Variants in EIF2B2 observed in about 807,000 individuals in gnomAD.
EIF2B2 encodes the protein eukaryotic translation initiation factor 2B subunit beta, also known as translation initiation factor eIF2B subunit beta.
In EIF2B2, 34 loss-of-function variants were observed where a neutral mutation model predicts 34.7. That is an observed-to-expected ratio of 0.98 (90% CI 0.75 to 1.31). EIF2B2 has a LOEUF of 1.31. Among genes scored for constraint, EIF2B2 ranks in the 50% most tolerant of loss-of-function variants. The probability of loss-of-function intolerance (pLI) is 0.00; values close to 1 mark genes in which losing one functional copy is unlikely to be tolerated. For synonymous variants in EIF2B2, 155 were observed against 171.6 expected, an observed-to-expected ratio of 0.90 and a Z score of 0.76; for missense variants, 361 against 447.7, an observed-to-expected ratio of 0.81 and a Z score of 1.75.
rs773328951 is a variant in EIF2B2 at position 75,009,193 on chromosome 14, C to A, written c.*5C>A. On this transcript the variant is annotated 3_prime_UTR_variant, in exon 8 of 8. Coordinates refer to ENST00000266126, the MANE Select transcript of EIF2B2 (RefSeq NM_014239.4). ...CCTGATGATCATGTTTTATGACCGA[C>A]CACACGTGTCCTAAGCAGATTGCTT... 1 of 1,613,980 alleles carries A rather than the reference C, an allele frequency of 6.2e-7. No individual in the cohort carries two copies. Among genetic ancestry groups the A allele is most frequent in the South Asian group, 1.1e-5 (1 of 91,076 alleles).
At chr14:75,008,559 G>A (rs2139257066) in intron 7 of EIF2B2, 1 of 271,770 alleles carries the variant, frequency 3.7e-6, no homozygotes, top group Non-Finnish European at 7.2e-6. Context: ...GACAAGCAAG[G>A]CTGATGTGGT....
rs1302962252 is a variant in EIF2B2 at position 75,009,058 on chromosome 14, A to G, written c.926A>G (p.His309Arg). ...GACATTCTGGAGAAGGTCAGCGTGC[A>G]TTGCCCTGTGTTTGACTACGTTCCC... is the stretch of plus-strand genomic sequence containing the variant. Reference protein sequence around the residue: ...EGDILEKVSVHCPVFDYVPPE... With the variant: ...EGDILEKVSVRCPVFDYVPPE... The change falls in exon 8 of 8, where the codon CAT (histidine) becomes CGT (arginine). Residue 309 changes from histidine (H) to arginine (R), a missense_variant. Transcript: ENST00000266126. 3.1e-6 allele frequency: 5 copies of G among 1,614,062 alleles called. No homozygotes were observed. The highest frequency in any genetic ancestry group is 4.2e-6 in the Non-Finnish European group (5 of 1,179,992).
In EIF2B2 at chr14:75,007,722, T is replaced by C. The variant is rs1889647995; in HGVS notation, c.832T>C (p.Phe278Leu). The C allele has an allele frequency of 1.9e-6, 3 of 1,613,558 alleles. No homozygotes were observed. The highest frequency in any genetic ancestry group is 2.5e-6 in the Non-Finnish European group (3 of 1,179,744). Residue 278 changes from phenylalanine (F) to leucine (L), a missense_variant and splice_region_variant, in exon 7 of 8, where the codon TTC becomes CTC. By Grantham distance (22) the Phe-to-Leu change is conservative (BLOSUM62 0). Coordinates refer to ENST00000266126, the MANE Select transcript of EIF2B2 (RefSeq NM_014239.4). ...TTTTTATAAATTTTTTCCTTTTTAG[T>C]TCCCCAATGAAGAAGACTCATTTCA... ...CAPMFKLSPQ[F>L]PNEEDSFHKF...
Position 75,006,487 on chromosome 14 carries a change from C to T in EIF2B2, c.694-90C>T. 4 of 1,581,132 alleles carry T rather than the reference C, an allele frequency of 2.5e-6. No homozygotes were observed. Among genetic ancestry groups the T allele is most frequent in the Non-Finnish European group, 3.4e-6 (4 of 1,162,156 alleles). On this transcript the variant is annotated intron_variant, in intron 5 of 7. Transcript: ENST00000266126. The surrounding 1 kb of genome is among the most constrained non-coding windows in gnomAD (Gnocchi z 4.1). ...TCTGTGACCCCTCACGATACCAATT[C>T]TGAGGTCTAAGCATTTAGCTTTTTG...
intron 7 of EIF2B2, chr14:75,008,100 G>T: frequency 3.0e-6 from 1 of 332,474 alleles, no homozygotes; most frequent in East Asian, 7.2e-5. Flanking sequence ...CAACCAGTTG[G>T]GAAAATGTAC....
At chr14:75,007,632 T>C in intron 6 of EIF2B2, 90 bp from the exon 7 acceptor site, 2 of 1,134,498 alleles carry the variant, frequency 1.8e-6, no homozygotes, top group Non-Finnish European at 2.6e-6. Context: ...GTATAAGTTT[T>C]CTGTGTGGAC....
rs768467979 is a variant in EIF2B2, at chr14:75,009,053, C to T, written c.921C>T (p.Ser307=). ...FTEGDILEKV[S]VHCPVFDYVP... The stretch of plus-strand genomic sequence containing the variant: ...CAGGGGACATTCTGGAGAAGGTCAG[C>T]GTGCATTGCCCTGTGTTTGACTACG... Residue 307 remains serine, a synonymous_variant, in exon 8 of 8, where the codon AGC becomes AGT. Transcript: ENST00000266126. The T allele has an allele frequency of 3.8e-5, 61 of 1,613,920 alleles. No homozygotes were observed. Among genetic ancestry groups the T allele is most frequent in the Non-Finnish European group, 4.6e-5 (54 of 1,179,994 alleles).
At position 75,004,909 on chromosome 14, in the gene EIF2B2, AC is replaced by A; in HGVS notation, c.597+10del. ...GTGCTCCTTTCTGCCAGGTAAGGAG[AC>A]TGCTGGAGTTGCTACTAAGAAAAAT... On this transcript the variant is annotated intron_variant, in intron 4 of 7. Coordinates refer to ENST00000266126, the MANE Select transcript of EIF2B2 (RefSeq NM_014239.4). The A allele has an allele frequency of 6.2e-7, 1 of 1,609,976 alleles. No individual in the cohort carries two copies.
rs1566873660 is a variant in EIF2B2, at chr14:75,006,647, C to A, written c.764C>A (p.Ala255Glu). 3 of 1,614,190 alleles carry A rather than the reference C, an allele frequency of 1.9e-6. No individual in the cohort carries two copies. The South Asian group carries it at 3.3e-5, about 18-fold the overall frequency. Reference sequence around the variant, plus strand: ...GCTGTGACAGGAACTCACACTCTGGCACTGGCAGCAAAACACCATTCCACC... The same window carrying A: ...GCTGTGACAGGAACTCACACTCTGGAACTGGCAGCAAAACACCATTCCACC... The part of the protein sequence containing the change: ...LRAVTGTHTL[A>E]LAAKHHSTPL... Residue 255 changes from alanine to glutamate, a missense_variant, in exon 6 of 8, where the codon GCA becomes GAA. Coordinates refer to ENST00000266126, the MANE Select transcript of EIF2B2 (RefSeq NM_014239.4). This position sits in a 1 kb window ranked among gnomAD's most constrained non-coding sequence, Gnocchi z 4.1.
In EIF2B2 at chr14:75,006,513, T is replaced by C; in HGVS notation, c.694-64T>C. ...TGAGGTCTAAGCATTTAGCTTTTTG[T>C]GGCCAGTGGCCCTTTTAGGGCTCCA... On this transcript the variant is annotated intron_variant, in intron 5 of 7. Coordinates refer to ENST00000266126, the MANE Select transcript of EIF2B2 (RefSeq NM_014239.4). The surrounding 1 kb of genome is among the most constrained non-coding windows in gnomAD (Gnocchi z 4.1). 6.2e-7 allele frequency: 1 copy of C among 1,605,798 alleles called. No homozygotes were observed. The highest frequency in any genetic ancestry group is 1.1e-5 in the South Asian group (1 of 91,024).
Position 75,009,695 on chromosome 14 carries a change from TACA to T in EIF2B2, c.*511_*513del, listed in dbSNP as rs1889678614. ...AGGGCTGTAGTTAGCGGGAAAAGTG[TACA>T]ACATGGTAGTACTGGCCAGATGCAG... is the stretch of plus-strand genomic sequence containing the variant. On this transcript the variant is annotated 3_prime_UTR_variant, in exon 8 of 8. Coordinates refer to ENST00000266126, the MANE Select transcript of EIF2B2 (RefSeq NM_014239.4). 4.9e-6 allele frequency: 1 copy of T among 204,358 alleles called. No homozygotes were observed. The highest frequency in any genetic ancestry group is 5.3e-5 in the Admixed American group (1 of 18,946). The allele number at this position is 204,358 out of a possible 1,614,324, so 12.7% of individuals were successfully genotyped here.
chr14:75,003,753 CAG>C lies in EIF2B2; in HGVS notation c.433+56_433+57del, dbSNP rs1367199799. The stretch of plus-strand genomic sequence containing the variant: ...GACTGGTCACAGGCACATAAGGGAA[CAG>C]AAGCCTCTGAAGGTTGTTCATTAGC... On this transcript the variant is annotated intron_variant, in intron 3 of 7. Transcript: ENST00000266126. 3.1e-6 allele frequency: 5 copies of C among 1,610,300 alleles called. No individual in the cohort carries two copies. The East Asian group carries it at 1.1e-4, about 36-fold the overall frequency.
In EIF2B2 at chr14:75,011,214, A is replaced by C. The variant is rs1463290855; in HGVS notation, c.*2026A>C. 1 of 152,188 alleles carries C rather than the reference A, an allele frequency of 6.6e-6. No homozygotes were observed. The highest frequency in any genetic ancestry group is 1.5e-5 in the Non-Finnish European group (1 of 68,046). 9.4% of individuals were successfully genotyped at this position (152,188 alleles called of 1,614,324 possible). On this transcript the variant is annotated 3_prime_UTR_variant, in exon 8 of 8. Coordinates refer to ENST00000266126, the MANE Select transcript of EIF2B2 (RefSeq NM_014239.4). ...TGTCTCACAAAAACAAAACAAAATT[A>C]TATGTACACGCATAGGGAAACAGTA... is the stretch of plus-strand genomic sequence containing the variant.
chr14:75,003,705 A>C lies in EIF2B2; in HGVS notation c.433+6A>C, dbSNP rs1889578254. The stretch of plus-strand genomic sequence containing the variant: ...TGAGCTGCTAGTGGAGCTGGGTAAG[A>C]GGCCTGATCGCTGGGAAAATGGGAC... On this transcript the variant is annotated splice_donor_region_variant and intron_variant, in intron 3 of 7. Coordinates refer to ENST00000266126, the MANE Select transcript of EIF2B2 (RefSeq NM_014239.4). The C allele has an allele frequency of 2.5e-6, 4 of 1,614,042 alleles. No homozygotes were observed. In the African/African-American group the frequency reaches 5.3e-5, roughly 22 times the overall value.
chr14:75,002,974 A>G lies in EIF2B2; in HGVS notation c.-17A>G. ...TGTGGATTCCGCCGGTGAAGGCTGA[A>G]GGCAGCTACCTTAAAGATGCCGGGA... is the stretch of plus-strand genomic sequence containing the variant. On this transcript the variant is annotated 5_prime_UTR_variant, in exon 1 of 8. Transcript: ENST00000266126. 6.2e-7 allele frequency: 1 copy of G among 1,613,844 alleles called. No individual in the cohort carries two copies.
At position 75,005,871 on chromosome 14, in the gene EIF2B2, T is replaced by A. The variant is rs1381293638; in HGVS notation, c.603T>A (p.His201Gln). ...GCCTTTCCCTCCCATTGCAGGGTCATGAAATGGCTGTGAATTTGTCCAAAG... is the reference window on the plus strand; with the variant it reads ...GCCTTTCCCTCCCATTGCAGGGTCAAGAAATGGCTGTGAATTTGTCCAAAG... ...VAECAPFCQG[H>Q]EMAVNLSKAG... is the part of the protein sequence containing the mutation. Residue 201 changes from histidine (H) to glutamine (Q), a missense_variant, in exon 5 of 8, where the codon CAT (histidine) becomes CAA (glutamine). Transcript: ENST00000266126. 1 of 1,612,960 alleles carries A rather than the reference T, an allele frequency of 6.2e-7. No homozygotes were observed. The highest frequency in any genetic ancestry group is 8.5e-7 in the Non-Finnish European group (1 of 1,179,044).
At position 75,005,962 on chromosome 14, in the gene EIF2B2, G is replaced by A. The variant is rs1435489013; in HGVS notation, c.693+1G>A. The stretch of plus-strand genomic sequence containing the variant: ...TGCCGTTATGTCAAGAGTCAACAAG[G>A]TGGGTATATCTGGAGTTATGTTGAA... On this transcript the variant is annotated splice_donor_variant, in intron 5 of 7. Transcript: ENST00000266126. LOFTEE classifies it high-confidence loss of function. 6.2e-7 allele frequency: 1 copy of A among 1,610,902 alleles called. No individual in the cohort carries two copies. Among genetic ancestry groups the A allele is most frequent in the East Asian group, 2.2e-5 (1 of 44,822 alleles).
In EIF2B2 at chr14:75,003,345, G is replaced by A. The variant is rs142827960; in HGVS notation, c.234G>A (p.Val78=). ...MTAAQPSETT[V]GNMVRRVLKI... ...CCGCTCAGCCCTCCGAGACCACCGT[G>A]GGCAACATGGTGCGGAGAGTGCTCA... Residue 78 remains valine, a synonymous_variant, in exon 2 of 8, where the codon GTG becomes GTA. Coordinates refer to ENST00000266126, the MANE Select transcript of EIF2B2 (RefSeq NM_014239.4). The A allele has an allele frequency of 6.2e-7, 1 of 1,613,884 alleles. No individual in the cohort carries two copies. The highest frequency in any genetic ancestry group is 1.3e-5 in the African/African-American group (1 of 74,886).
chr14:75,011,754 T>C lies in EIF2B2; in HGVS notation c.*2566T>C, dbSNP rs1461792741. 2 of 152,200 alleles carry C rather than the reference T, an allele frequency of 1.3e-5. No homozygotes were observed. Among genetic ancestry groups the C allele is most frequent in the African/African-American group, 4.8e-5 (2 of 41,460 alleles). 9.4% of individuals were successfully genotyped at this position (152,200 alleles called of 1,614,324 possible). On this transcript the variant is annotated 3_prime_UTR_variant, in exon 8 of 8. Transcript: ENST00000266126. ...GCTTGTAGCTACCAATTACGAGCAA[T>C]TGTCTCCTCCAAAGGCACCAATTCT...
Sources: gnomAD v4.1 joint callset for allele counts on GRCh38, gnomAD v4.1.1 for gene constraint, Gnocchi (gnomAD v3.1) non-coding constraint, MANE v1.5 for transcripts, NCBI Gene and HGNC (gene_info 2026-07-23, HGNC 2026-07-21) for gene names.